Variants in SLC4A10 observed in about 807,000 individuals in gnomAD.
SLC4A10 encodes the protein sodium-driven chloride bicarbonate exchanger.
In SLC4A10, 42 loss-of-function variants were observed where a neutral mutation model predicts 137.7. That is an observed-to-expected ratio of 0.30 (90% CI 0.24 to 0.39). The LOEUF (loss-of-function observed/expected upper bound fraction) is 0.39. Ranked by LOEUF, SLC4A10 falls within the 10% of genes least tolerant of loss-of-function variation. The pLI, the probability that SLC4A10 is intolerant of heterozygous loss-of-function variation, is 1.00. For synonymous variants in SLC4A10, 474 were observed against 464.1 expected (o/e 1.02, Z -0.27); for missense variants, 925 against 1,355.0 (o/e 0.68, Z 4.98).
At chr2:161,734,807 A>G (rs2047169043) in intron 1 of SLC4A10, among the ~76,000 whole-genome samples, 1 of 151,918 alleles carries the variant, frequency 6.6e-6, no homozygotes, top group South Asian at 2.1e-4. Context: ...CTGTGCCTCC[A>G]CCCGAATCAT....
chr2:161,791,944 A>C (rs1264550854), intron 2 of SLC4A10, among the ~76,000 whole-genome samples: 1 of 152,196 alleles, frequency 6.6e-6, no homozygotes, highest in Admixed American at 6.6e-5. Flanking sequence ...GGATAATAAC[A>C]AATAACTAAG....
Position 161,942,786 on chromosome 2 carries a change from T to C in SLC4A10, c.1998-6T>C, listed in dbSNP as rs1161557853. ...TTTCACAAAAGACACTATTTTGCCT[T>C]TTCAGGTGTAACTGTGTGGAACCGC... is the stretch of plus-strand genomic sequence containing the variant. On this transcript the variant is annotated splice_polypyrimidine_tract_variant and splice_region_variant and intron_variant, in intron 15 of 26. Transcript: ENST00000446997. 1 of 1,593,342 alleles carries C rather than the reference T, an allele frequency of 6.3e-7. No individual in the cohort carries two copies. The highest frequency in any genetic ancestry group is 8.6e-7 in the Non-Finnish European group (1 of 1,168,900).
intron 1 of SLC4A10, among the ~76,000 whole-genome samples, chr2:161,638,234 A>AG (rs2034740022): frequency 6.6e-6 from 1 of 151,972 alleles, no homozygotes; most frequent in South Asian, 2.1e-4. Flanking sequence ...TTTCCTCTAC[A>AG]TGTTTTCTTC....
At chr2:161,645,334 A>G (rs1207166522) in intron 1 of SLC4A10, among the ~76,000 whole-genome samples, 2 of 151,978 alleles carry the variant, frequency 1.3e-5, no homozygotes, top group Non-Finnish European at 2.9e-5. Flanking sequence ...ATACTACAAG[A>G]CTTCTTGTTA....
chr2:161,911,811 T>C (rs1027856760), intron 15 of SLC4A10, among the ~76,000 whole-genome samples: 3 of 152,102 alleles, frequency 2.0e-5, no homozygotes, highest in Non-Finnish European at 4.4e-5. Context: ...ACATTTCACA[T>C]ATAGTTTCCC....
chr2:161,979,304 T>C (rs531395269), intron 26 of SLC4A10, among the ~76,000 whole-genome samples: 1 of 152,370 alleles, frequency 6.6e-6, no homozygotes, highest in South Asian at 2.1e-4. Context: ...TAAAAATATA[T>C]ATCCAGATGA....
At chr2:161,836,548 GAA>G (rs377609759) in intron 3 of SLC4A10, among the ~76,000 whole-genome samples, 8,236 of 66,612 alleles carry the variant, frequency 0.12, 578 homozygotes, top group East Asian at 0.37. Flanking sequence ...AAGAAAGAAA[GAA>G]AGAAAGAAAG....
At chr2:161,977,530 T>C (rs555604133) in intron 25 of SLC4A10, among the ~76,000 whole-genome samples, 192 bp from the exon 26 acceptor site, 2 of 152,184 alleles carry the variant, frequency 1.3e-5, no homozygotes, top group Non-Finnish European at 1.5e-5. Context: ...TAAATAAGAG[T>C]TCAAGTCACC....
At chr2:161,976,606 T>C (rs941772721) in intron 24 of SLC4A10, among the ~76,000 whole-genome samples, 154 bp from the exon 25 acceptor site, 6 of 152,222 alleles carry the variant, frequency 3.9e-5, no homozygotes, top group African/African-American at 1.2e-4. Context: ...GTTAAGGTAG[T>C]AAATTTTATG....
intron 3 of SLC4A10, among the ~76,000 whole-genome samples, chr2:161,830,175 A>C (rs986396788): frequency 1.3e-4 from 19 of 151,682 alleles, no homozygotes; most frequent in Non-Finnish European, 1.9e-4. Context: ...AAAAAAAAAA[A>C]AATAACAACA....
At chr2:161,731,032 A>G (rs1021679346) in intron 1 of SLC4A10, among the ~76,000 whole-genome samples, 3 of 152,172 alleles carry the variant, frequency 2.0e-5, no homozygotes, top group Non-Finnish European at 4.4e-5. Flanking sequence ...GTTGTTTTGA[A>G]TTGAAATTGT....
At chr2:161,752,787 A>G (rs1431490791) in intron 1 of SLC4A10, among the ~76,000 whole-genome samples, 1 of 152,122 alleles carries the variant, frequency 6.6e-6, no homozygotes, top group Non-Finnish European at 1.5e-5. Context: ...AGCAGAGAGT[A>G]GACTGGTGGT....
intron 1 of SLC4A10, among the ~76,000 whole-genome samples, chr2:161,684,966 A>T (rs2041231089): frequency 6.6e-6 from 1 of 152,176 alleles, no homozygotes; most frequent in South Asian, 2.1e-4. Flanking sequence ...ATGTGTGCAT[A>T]TTAAGATGCT....
intron 1 of SLC4A10, among the ~76,000 whole-genome samples, chr2:161,747,270 T>C (rs758252222): frequency 8.5e-5 from 13 of 152,156 alleles, no homozygotes; most frequent in Non-Finnish European, 1.6e-4. Flanking sequence ...TGGCTAGGGC[T>C]GGTCTAAATG....
intron 2 of SLC4A10, among the ~76,000 whole-genome samples, chr2:161,793,984 T>A (rs886743796): frequency 6.6e-6 from 1 of 152,122 alleles, no homozygotes; most frequent in African/African-American, 2.4e-5. Flanking sequence ...CAGTGATTAA[T>A]CCAAAACTAT....
intron 1 of SLC4A10, among the ~76,000 whole-genome samples, chr2:161,739,668 G>C (rs921668903): frequency 1.3e-5 from 2 of 152,148 alleles, no homozygotes; most frequent in Admixed American, 1.3e-4. Flanking sequence ...TGTGTTTAGG[G>C]CTTCCCCAAT....
intron 1 of SLC4A10, among the ~76,000 whole-genome samples, chr2:161,767,749 T>A (rs1273773138): frequency 1.3e-5 from 2 of 152,062 alleles, no homozygotes; most frequent in East Asian, 3.9e-4. Context: ...GATTTGGAAT[T>A]TTCATGCTTC....
intron 4 of SLC4A10, among the ~76,000 whole-genome samples, chr2:161,846,100 C>T (rs112870000): frequency 0.022 from 3,381 of 151,954 alleles, 119 homozygotes; most frequent in African/African-American, 0.077. Context: ...ATATGTAGAA[C>T]ATATAAAGAA....
At chr2:161,877,653 C>A (rs1389886917) in intron 8 of SLC4A10, among the ~76,000 whole-genome samples, 1 of 151,876 alleles carries the variant, frequency 6.6e-6, no homozygotes, top group Non-Finnish European at 1.5e-5. Context: ...ACTAAAAGAT[C>A]AGATTCCACA....
Sources: allele counts gnomAD v4.1 joint callset (sites outside exome capture counted in the v4.1 genomes callset), GRCh38; gene constraint gnomAD v4.1.1; transcripts MANE v1.5; gene names NCBI Gene and HGNC (gene_info 2026-07-23, HGNC 2026-07-21).